Variants in PLXNA4 observed in about 807,000 individuals in gnomAD.
PLXNA4 encodes the protein plexin-A4.
In PLXNA4, 44 loss-of-function variants were observed where a neutral mutation model predicts 191.8. The ratio of observed to expected loss-of-function variants is 0.23; its 90% confidence interval spans 0.18 to 0.29. PLXNA4 has a LOEUF of 0.29. Among genes scored for constraint, PLXNA4 ranks in the 10% least tolerant of loss-of-function variants. The probability of loss-of-function intolerance (pLI) is 1.00; values close to 1 mark genes in which losing one functional copy is unlikely to be tolerated. For missense variants in PLXNA4, 1,800 were observed against 2,488.8 expected (o/e 0.72, Z 5.89); for synonymous variants, 1,082 against 1,009.5 (o/e 1.07, Z -1.36).
chr7:132,344,431 T>G (rs1311812038), intron 3 of PLXNA4, among the ~76,000 whole-genome samples: 1 of 152,122 alleles, frequency 6.6e-6, no homozygotes, highest in Non-Finnish European at 1.5e-5. Context: ...ACCAGTGCAA[T>G]GGAGGGCTAC....
chr7:132,524,020 G>T (rs1330650838), intron 1 of PLXNA4, among the ~76,000 whole-genome samples: 3 of 152,158 alleles, frequency 2.0e-5, no homozygotes, highest in Admixed American at 2.0e-4. Flanking sequence ...TCTGCGGAAG[G>T]CATCTCATGT....
intron 2 of PLXNA4, among the ~76,000 whole-genome samples, chr7:132,639,924 G>T (rs559716953): frequency 9.2e-5 from 14 of 152,186 alleles, no homozygotes; most frequent in Non-Finnish European, 1.6e-4. Flanking sequence ...TCTCTAACTG[G>T]CTTCGGGTAA....
In PLXNA4 at chr7:132,183,696, G is replaced by A. The variant is rs1050280471; in HGVS notation, c.3159-1506C>T. On this transcript the variant is annotated intron_variant, in intron 16 of 31. Coordinates refer to ENST00000321063, the MANE Select transcript of PLXNA4 (RefSeq NM_020911.2). ...AATCCTGGCATGGCTTTCTACAGACGATTTTCCCCTCTCTGTGCCTTCTGG... is the reference window on the plus strand; with the variant it reads ...AATCCTGGCATGGCTTTCTACAGACAATTTTCCCCTCTCTGTGCCTTCTGG... Among the ~76,000 whole-genome samples, 6 of 152,328 alleles carry A rather than the reference G, an allele frequency of 3.9e-5. No homozygotes were observed. In the East Asian group the frequency reaches 9.7e-4, roughly 25 times the overall value.
In PLXNA4 at chr7:132,140,617, T is replaced by C. The variant is rs766636683; in HGVS notation, c.5420A>G (p.Tyr1807Cys). Residue 1807 changes from tyrosine (Y) to cysteine (C), a missense_variant, in exon 30 of 32, where the codon TAC becomes TGC. By Grantham distance (194) the Tyr-to-Cys change is radical. Around this residue, in one of 6 missense-constraint regions of PLXNA4, gnomAD observed 101 missense variants for 182.8 expected, o/e 0.55. Coordinates refer to ENST00000321063, the MANE Select transcript of PLXNA4 (RefSeq NM_020911.2). ...KLLYAKDIPS[Y>C]KNWVERYYSD... ...CACTCACCTCTCCACCCAATTCTTGTAGCTGGGGATGTCCTTGGCATACAG... is the reference window on the plus strand; with the variant it reads ...CACTCACCTCTCCACCCAATTCTTGCAGCTGGGGATGTCCTTGGCATACAG... 6.2e-7 allele frequency: 1 copy of C among 1,614,014 alleles called. No individual in the cohort carries two copies. The highest frequency in any genetic ancestry group is 8.5e-7 in the Non-Finnish European group (1 of 1,180,002).
chr7:132,241,144 G>T lies in PLXNA4; in HGVS notation c.1526C>A (p.Ser509Tyr). 1.2e-6 allele frequency: 2 copies of T among 1,612,786 alleles called. No individual in the cohort carries two copies. Among genetic ancestry groups the T allele is most frequent in the African/African-American group, 1.3e-5 (1 of 75,040 alleles). The change falls in exon 5 of 32, where the codon TCC becomes TAC. Residue 509 changes from serine (S) to tyrosine (Y), a missense_variant. Around this residue, in one of 6 missense-constraint regions of PLXNA4, gnomAD observed 1,397 missense variants for 1,880.4 expected, o/e 0.74. Coordinates refer to ENST00000321063, the MANE Select transcript of PLXNA4 (RefSeq NM_020911.2). ...ERQLTRVPVESCGQYQSCGEC... is the reference protein window; with the variant it reads ...ERQLTRVPVEYCGQYQSCGEC... ...GCCGCAGCTCTGATACTGACCACAGGACTCCACAGGGACTCTGGTGAGCTA... is the reference window on the plus strand; with the variant it reads ...GCCGCAGCTCTGATACTGACCACAGTACTCCACAGGGACTCTGGTGAGCTA...
At chr7:132,171,461 GTC>G (rs1161117616) in intron 21 of PLXNA4, among the ~76,000 whole-genome samples, 1 of 152,180 alleles carries the variant, frequency 6.6e-6, no homozygotes, top group Non-Finnish European at 1.5e-5. Flanking sequence ...CAACTCGGAT[GTC>G]TCTCTAAAGC....
At chr7:132,457,957 T>C (rs1173963463) in intron 3 of PLXNA4, among the ~76,000 whole-genome samples, 1 of 152,230 alleles carries the variant, frequency 6.6e-6, no homozygotes, top group Non-Finnish European at 1.5e-5. Context: ...CAGTGAATCC[T>C]ATTTTGGACT....
intron 1 of PLXNA4, among the ~76,000 whole-genome samples, chr7:132,568,284 G>A (rs1004896278): frequency 3.3e-5 from 5 of 152,270 alleles, no homozygotes; most frequent in Admixed American, 1.3e-4. Context: ...ACCACTATGC[G>A]GAAGGCTGGC....
At chr7:132,135,604 G>A (rs1052607680) in intron 30 of PLXNA4, among the ~76,000 whole-genome samples, 1 of 152,198 alleles carries the variant, frequency 6.6e-6, no homozygotes, top group African/African-American at 2.4e-5. Flanking sequence ...ACAGTGTCTT[G>A]CCTCATGGTA....
intron 3 of PLXNA4, among the ~76,000 whole-genome samples, chr7:132,358,163 G>A (rs1204778301): frequency 1.3e-5 from 2 of 152,194 alleles, no homozygotes; most frequent in Non-Finnish European, 2.9e-5. Flanking sequence ...ATTTGGAAGG[G>A]AATTGAGACG....
intron 3 of PLXNA4, among the ~76,000 whole-genome samples, chr7:132,474,634 A>G (rs1222466054): frequency 6.6e-6 from 1 of 151,322 alleles, no homozygotes; most frequent in Admixed American, 6.6e-5. Context: ...ACACACACAC[A>G]CACGCGCGCG....
chr7:132,158,083 A>T (rs9649572), intron 25 of PLXNA4, among the ~76,000 whole-genome samples: 86,656 of 152,098 alleles, frequency 0.57, 29,741 homozygotes, highest in East Asian at 0.81. Context: ...GTGGAGGGAG[A>T]CACATGCTCA....
chr7:132,245,976 G>A (rs962434515), intron 4 of PLXNA4, among the ~76,000 whole-genome samples: 2 of 152,212 alleles, frequency 1.3e-5, no homozygotes, highest in Admixed American at 6.5e-5. Context: ...AAGACTTTCT[G>A]TTTGAGCAAA....
intron 2 of PLXNA4, among the ~76,000 whole-genome samples, chr7:132,620,033 A>T (rs181911202): frequency 6.6e-6 from 1 of 152,254 alleles, no homozygotes; most frequent in African/African-American, 2.4e-5. Context: ...CGAGCTCCTG[A>T]CCTCATGATC....
chr7:132,217,035 G>T (rs79872383), intron 9 of PLXNA4, among the ~76,000 whole-genome samples: 2,836 of 152,312 alleles, frequency 0.019, 93 homozygotes, highest in Admixed American at 0.073. Flanking sequence ...GAATGCAGGG[G>T]GGTGAGAAGT....
intron 3 of PLXNA4, among the ~76,000 whole-genome samples, chr7:132,327,642 C>T (rs896345711): frequency 3.3e-5 from 5 of 152,300 alleles, no homozygotes; most frequent in South Asian, 2.1e-4. Flanking sequence ...CCTGGGTTCT[C>T]GGACACAGAG....
intron 11 of PLXNA4, 146 bp downstream of exon 11, chr7:132,203,177 A>G: frequency 1.4e-6 from 1 of 707,518 alleles, no homozygotes; most frequent in East Asian, 2.7e-5. Flanking sequence ...GATGGTGGAG[A>G]GGCTGTGAAG....
At chr7:132,416,931 A>G (rs940355606) in intron 3 of PLXNA4, among the ~76,000 whole-genome samples, 1 of 152,078 alleles carries the variant, frequency 6.6e-6, no homozygotes, top group Non-Finnish European at 1.5e-5. Flanking sequence ...TCTACAAGCT[A>G]CTAAAATGGA....
At chr7:132,334,051 TA>T (rs1340954830) in intron 3 of PLXNA4, among the ~76,000 whole-genome samples, 1 of 152,204 alleles carries the variant, frequency 6.6e-6, no homozygotes, top group Non-Finnish European at 1.5e-5. Context: ...GTGATGATTT[TA>T]TAACATCTGT....
Sources: gnomAD v4.1 joint callset for allele counts (sites outside exome capture counted in the v4.1 genomes callset) on GRCh38, gnomAD v4.1.1 for gene constraint, gnomAD v4.1.1 regional missense constraint, MANE v1.5 for transcripts, NCBI Gene and HGNC (gene_info 2026-07-23, HGNC 2026-07-21) for gene names.